GUSB: variants seen among roughly 807,000 people sequenced by gnomAD.
GUSB encodes the protein glucuronidase beta, also known as beta-glucuronidase.
Under a neutral mutation model 74.6 loss-of-function variants are expected in GUSB, and 51 were observed. The ratio of observed to expected loss-of-function variants is 0.68; its 90% confidence interval spans 0.55 to 0.86. GUSB has a LOEUF of 0.86. Ranked by LOEUF, GUSB falls within the 40% of genes least tolerant of loss-of-function variation. The probability of loss-of-function intolerance (pLI) is 0.00; values close to 1 mark genes in which losing one functional copy is unlikely to be tolerated. For synonymous variants in GUSB, 360 were observed against 348.3 expected (o/e 1.03, Z -0.37); for missense variants, 736 against 853.7 (o/e 0.86, Z 1.72).
At chr7:65,972,468 C>T (rs1169798181) in intron 8 of GUSB, among the ~76,000 whole-genome samples, 9 of 152,146 alleles carry the variant, frequency 5.9e-5, no homozygotes, top group African/African-American at 2.2e-4. Context: ...CCAGCCTAGA[C>T]TGTTGTTGAA....
intron 5 of GUSB, 117 bp downstream of exon 5, chr7:65,975,898 A>G: frequency 1.3e-6 from 1 of 785,260 alleles, no homozygotes; most frequent in Non-Finnish European, 2.1e-6. Context: ...GGTGAGAAAC[A>G]TCAGAAAGCT....
intron 1 of GUSB, among the ~76,000 whole-genome samples, chr7:65,980,985 GA>G (rs1791971669): frequency 6.6e-6 from 1 of 152,184 alleles, no homozygotes; most frequent in African/African-American, 2.4e-5. Context: ...TGTGAACCTT[GA>G]AAACCAAGGG....
intron 2 of GUSB, 37 bp downstream of exon 2, chr7:65,980,187 C>CCA: frequency 2.3e-6 from 1 of 432,962 alleles, no homozygotes; most frequent in Non-Finnish European, 4.6e-6. Context: ...GCAGCCGTGC[C>CCA]CCCCCACCCG....
chr7:65,963,095 T>C (rs559946541), intron 11 of GUSB, among the ~76,000 whole-genome samples: 1 of 152,188 alleles, frequency 6.6e-6, no homozygotes. Context: ...TGACCTCAGG[T>C]GATCTGTCCA....
Position 65,982,138 on chromosome 7 carries a change from A to G in GUSB, c.46T>C (p.Leu16=). The change falls in exon 1 of 12, where the codon TTG becomes CTG. Residue 16 remains leucine (L), a synonymous_variant. Transcript: ENST00000304895. ...TGCAGCCCCAGCGCGCAGCCCCACA[A>G]CAACGGCCCGAGCGCCGCCCAGGCA... is the stretch of plus-strand genomic sequence containing the variant. ...AVAWAALGPL[L]WGCALGLQGG... 6.4e-7 allele frequency: 1 copy of G among 1,550,818 alleles called. No individual in the cohort carries two copies. Among genetic ancestry groups the G allele is most frequent in the South Asian group, 1.2e-5 (1 of 85,366 alleles).
intron 1 of GUSB, 149 bp downstream of exon 1, chr7:65,981,824 CA>C: frequency 1.5e-6 from 1 of 677,230 alleles, no homozygotes; most frequent in South Asian, 2.0e-5. Context: ...CCCCGTCCCC[CA>C]AGCCGGCGCC....
In GUSB at chr7:65,974,439, T is replaced by A; in HGVS notation, c.1247A>T (p.Gln416Leu). The change falls in exon 8 of 12, where the codon CAG becomes CTG. Residue 416 changes from glutamine to leucine, a missense_variant and splice_region_variant. Gln to Leu is a moderately radical substitution (Grantham distance 113). This residue lies in a region of GUSB where 368 missense variants were observed against 489.9 expected (regional missense o/e 0.75). Transcript: ENST00000304895. ...ATGCAGAGAAACGTTGTTGAAGAAC[T>A]GCCTGCGGGCCAGGAGGGAAGGGAC... ...ECPGVGLALPQFFNNVSLHHH... is the reference protein window; with the variant it reads ...ECPGVGLALPLFFNNVSLHHH... 6.2e-7 allele frequency: 1 copy of A among 1,614,146 alleles called. No homozygotes were observed. Among genetic ancestry groups the A allele is most frequent in the Non-Finnish European group, 8.5e-7 (1 of 1,180,042 alleles).
intron 10 of GUSB, among the ~76,000 whole-genome samples, chr7:65,967,278 G>T (rs1411866580): frequency 6.6e-6 from 1 of 152,060 alleles, no homozygotes; most frequent in Admixed American, 6.6e-5. Context: ...AACATGGCAA[G>T]ACCCCATCTC....
At chr7:65,966,632 A>C (rs942964275) in intron 10 of GUSB, among the ~76,000 whole-genome samples, 1 of 152,030 alleles carries the variant, frequency 6.6e-6, no homozygotes, top group Non-Finnish European at 1.5e-5. Context: ...AAAAATTTAA[A>C]AATAGGCTGC....
intron 10 of GUSB, among the ~76,000 whole-genome samples, chr7:65,966,736 A>G (rs1790862690): frequency 6.6e-6 from 1 of 152,016 alleles, no homozygotes; most frequent in Non-Finnish European, 1.5e-5. Context: ...GTGAGCTATG[A>G]TGACACCACT....
At chr7:65,967,948 C>G in intron 9 of GUSB, 41 bp from the exon 10 acceptor site, 1 of 1,498,058 alleles carries the variant, frequency 6.7e-7, no homozygotes, top group Non-Finnish European at 9.2e-7. Context: ...ACTCAGTAGA[C>G]AGCATGACTC....
At chr7:65,974,474 C>T (rs781008385) in intron 7 of GUSB, 33 bp from the exon 8 acceptor site, 27 of 1,613,980 alleles carry the variant, frequency 1.7e-5, no homozygotes, top group South Asian at 8.8e-5. Flanking sequence ...CAGAGGGTCA[C>T]GGTGACGCCC....
Position 65,974,709 on chromosome 7 carries a change from G to A in GUSB, c.1066-5C>T, listed in dbSNP as rs376501876. 16 of 1,612,346 alleles carry A rather than the reference G, an allele frequency of 9.9e-6. No homozygotes were observed. In the African/African-American group the frequency reaches 2.1e-4, roughly 22 times the overall value. On this transcript the variant is annotated splice_region_variant and splice_polypyrimidine_tract_variant and intron_variant, in intron 6 of 11. Coordinates refer to ENST00000304895, the MANE Select transcript of GUSB (RefSeq NM_000181.4). ...GTCGAAGCCCTTCCCTCGGATCTAGGAGATAGCAGAGCCAAGTGACCCCTG... is the reference window on the plus strand; with the variant it reads ...GTCGAAGCCCTTCCCTCGGATCTAGAAGATAGCAGAGCCAAGTGACCCCTG...
At chr7:65,961,826 A>T (rs778796808) in intron 11 of GUSB, among the ~76,000 whole-genome samples, 14 of 152,006 alleles carry the variant, frequency 9.2e-5, no homozygotes, top group Admixed American at 1.3e-4. Context: ...ATATGGTGAA[A>T]CCTCATCTCT....
chr7:65,967,982 C>A, intron 9 of GUSB, 75 bp from the exon 10 acceptor site: 1 of 1,248,678 alleles, frequency 8.0e-7, no homozygotes, highest in African/African-American at 1.5e-5. Context: ...TGCGGGGGCT[C>A]CTCTGGCAGA....
chr7:65,965,652 C>T (rs923901049), intron 10 of GUSB, among the ~76,000 whole-genome samples: 1 of 152,146 alleles, frequency 6.6e-6, no homozygotes, highest in Non-Finnish European at 1.5e-5. Context: ...ACCTCAGCCT[C>T]CCAAGTGGCT....
chr7:65,978,090 A>G (rs1387815488), intron 4 of GUSB, among the ~76,000 whole-genome samples: 5 of 152,102 alleles, frequency 3.3e-5, no homozygotes, highest in African/African-American at 7.2e-5. Flanking sequence ...GATTACAGGC[A>G]TGAGCCACCG....
rs143266367 is a variant in GUSB at position 65,979,065 on chromosome 7, G to A, written c.724+334C>T. On this transcript the variant is annotated intron_variant, in intron 4 of 11. Coordinates refer to ENST00000304895, the MANE Select transcript of GUSB (RefSeq NM_000181.4). ...ATGACAGGCATAAGCCACCATGCCC[G>A]GCGCCCCCCCCACCGAAGCTGCCTG... Among the ~76,000 whole-genome samples the A allele has an allele frequency of 1.5e-3, 231 of 152,202 alleles. 1 individual carries two copies. The highest frequency in any genetic ancestry group is 5.4e-3 in the African/African-American group (224 of 41,530).
At chr7:65,980,621 A>G in intron 1 of GUSB, 1 of 593,526 alleles carries the variant, frequency 1.7e-6, no homozygotes, top group South Asian at 1.9e-5. Context: ...CTCAGAGTGG[A>G]TGGGGCACAA....
Sources: allele counts gnomAD v4.1 joint callset (sites outside exome capture counted in the v4.1 genomes callset), GRCh38; gene constraint gnomAD v4.1.1; regional missense constraint gnomAD v4.1.1; transcripts MANE v1.5; gene names NCBI Gene and HGNC (gene_info 2026-07-23, HGNC 2026-07-21).